Variants in USH2A observed in about 807,000 individuals in gnomAD.
USH2A encodes the protein Usher syndrome 2A (autosomal recessive, mild).
USH2A carries 443 observed loss-of-function variants against 538.9 expected under a neutral mutation model. That is an observed-to-expected ratio of 0.82 (90% confidence interval 0.76 to 0.89). USH2A has a LOEUF of 0.89. Ranked by LOEUF, USH2A falls within the 40% of genes least tolerant of loss-of-function variation. USH2A has a pLI of 0.00. For missense variants in USH2A, 6,633 were observed against 6,324.8 expected (o/e 1.05, Z -1.65); for synonymous variants, 2,413 against 2,273.5 (o/e 1.06, Z -1.75).
At chr1:215,778,877 C>A (rs1248814677) in intron 55 of USH2A, among the ~76,000 whole-genome samples, 1 of 152,168 alleles carries the variant, frequency 6.6e-6, no homozygotes, top group Non-Finnish European at 1.5e-5. Flanking sequence ...GGTAGTAATT[C>A]ACTGTACATC....
intron 52 of USH2A, 68 bp from the exon 53 acceptor site, chr1:215,783,003 G>T: frequency 6.8e-7 from 1 of 1,461,822 alleles, no homozygotes; most frequent in South Asian, 1.3e-5. Context: ...TATTAAAAGT[G>T]AATATCAAAA....
intron 14 of USH2A, among the ~76,000 whole-genome samples, chr1:216,231,278 T>C: frequency 8.2e-6 from 1 of 122,354 alleles, no homozygotes; most frequent in Admixed American, 9.8e-5. Flanking sequence ...ATATAATATA[T>C]ATACACAGAG....
Position 216,251,972 on chromosome 1 carries a change from A to G in USH2A, c.1972-874T>C, listed in dbSNP as rs539956219. Among the ~76,000 whole-genome samples, 77 of 152,278 alleles carry G rather than the reference A, an allele frequency of 5.1e-4. 1 individual carries two copies. In the South Asian group the frequency reaches 0.016, roughly 31 times the overall value. ...TCCCCTTTTAGGACTATTTCAGCCTATTTATGATTCATTTCACCACATTAA... is the reference window on the plus strand; with the variant it reads ...TCCCCTTTTAGGACTATTTCAGCCTGTTTATGATTCATTTCACCACATTAA... On this transcript the variant is annotated intron_variant, in intron 11 of 71. Transcript: ENST00000307340.
rs372464874 is a variant in USH2A, at chr1:215,877,799, A to G, written c.8640T>C (p.Tyr2880=). The change falls in exon 43 of 72, where the codon TAT becomes TAC. Residue 2880 remains tyrosine (Y), a synonymous_variant. Coordinates refer to ENST00000307340, the MANE Select transcript of USH2A (RefSeq NM_206933.4). ...CTTCATAAAGCCACTGAGTTCCTGA[A>G]TAAATATTGTGCCACCGATTTAAAT... ...PEDLNRWHNI[Y]SGTQWLYEDK... The G allele has an allele frequency of 1.7e-5, 27 of 1,613,828 alleles. No individual in the cohort carries two copies. Among genetic ancestry groups the G allele is most frequent in the Non-Finnish European group, 2.1e-5 (25 of 1,179,748 alleles).
chr1:215,946,044 G>A (rs554716067), intron 37 of USH2A, among the ~76,000 whole-genome samples: 2 of 152,258 alleles, frequency 1.3e-5, no homozygotes, highest in African/African-American at 4.8e-5. Flanking sequence ...ACTGCCAAGT[G>A]CCATTACATG....
At chr1:216,151,515 C>T (rs150272009) in intron 21 of USH2A, among the ~76,000 whole-genome samples, 2,958 of 152,248 alleles carry the variant, frequency 0.019, 89 homozygotes, top group African/African-American at 0.068. Flanking sequence ...TGATTGCTCT[C>T]GGTACTGGAA....
At chr1:216,187,511 TAATA>T (rs761893432) in intron 20 of USH2A, among the ~76,000 whole-genome samples, 9 of 151,952 alleles carry the variant, frequency 5.9e-5, no homozygotes, top group Admixed American at 2.0e-4. Flanking sequence ...CTTACAGAAA[TAATA>T]AATAATGCTT....
chr1:215,655,422 A>C (rs113833348), intron 64 of USH2A, among the ~76,000 whole-genome samples: 98 of 152,260 alleles, frequency 6.4e-4, no homozygotes, highest in African/African-American at 2.3e-3. Flanking sequence ...CTTGCCTCCT[A>C]ATTTTCACTT....
chr1:215,786,965 A>C (rs749412849), intron 51 of USH2A, 91 bp from the exon 52 acceptor site: 33 of 1,279,212 alleles, frequency 2.6e-5, no homozygotes, highest in Non-Finnish European at 3.1e-5. Flanking sequence ...TTTCAAATGA[A>C]ATTTTTCCTC....
chr1:216,053,082 C>A (rs1260811499), intron 30 of USH2A, among the ~76,000 whole-genome samples: 1 of 152,022 alleles, frequency 6.6e-6, no homozygotes, highest in East Asian at 1.9e-4. Context: ...AGGTTTCTAA[C>A]ATAAGAAAAT....
chr1:215,706,833 T>C (rs1659196497), intron 61 of USH2A, among the ~76,000 whole-genome samples: 1 of 152,236 alleles, frequency 6.6e-6, no homozygotes, highest in Non-Finnish European at 1.5e-5. Context: ...TCAAGCTTAT[T>C]AACTTGTAAA....
At chr1:215,733,122 C>T (rs1660053474) in intron 60 of USH2A, among the ~76,000 whole-genome samples, 1 of 139,562 alleles carries the variant, frequency 7.2e-6, no homozygotes, top group Admixed American at 8.0e-5. Context: ...ACTCAGGAAG[C>T]TTACAACTAT....
chr1:216,337,070 A>AC (rs1369144970), intron 4 of USH2A, among the ~76,000 whole-genome samples: 1 of 151,508 alleles, frequency 6.6e-6, no homozygotes, highest in Non-Finnish European at 1.5e-5. Flanking sequence ...AAATATTACA[A>AC]CAAAGAAATG....
rs1353950870 is a variant in USH2A, at chr1:215,813,743, A to G, written c.9732T>C (p.Ile3244=). 1 of 1,613,820 alleles carries G rather than the reference A, an allele frequency of 6.2e-7. No homozygotes were observed. The highest frequency in any genetic ancestry group is 8.5e-7 in the Non-Finnish European group (1 of 1,179,822). Residue 3244 remains isoleucine (I), a synonymous_variant, in exon 49 of 72, where the codon ATT becomes ATC. Transcript: ENST00000307340. ...CCTGGAAATAACCCTCACCTGGTAG[A>G]ATTCTAGCGTAATACCCAGAGCAGC... is the stretch of plus-strand genomic sequence containing the variant. ...HQCCSGYYAR[I]LPGEVCCPDE...
At position 216,110,826 on chromosome 1, in the gene USH2A, CAATA is replaced by C. The variant is rs1420046305; in HGVS notation, c.4628-13617_4628-13614del. Among the ~76,000 whole-genome samples, 4 of 152,264 alleles carry C rather than the reference CAATA, an allele frequency of 2.6e-5. No homozygotes were observed. In the East Asian group the frequency reaches 7.7e-4, roughly 29 times the overall value. On this transcript the variant is annotated intron_variant, in intron 21 of 71. Transcript: ENST00000307340. The stretch of plus-strand genomic sequence containing the variant: ...AGAAGTGAAGGGCATTACAGGGCAT[CAATA>C]AATAAATGTTCATAGAAAGGAAGAA...
At position 215,732,539 on chromosome 1, in the gene USH2A, T is replaced by A. The variant is rs546225473; in HGVS notation, c.11712-4155A>T. Among the ~76,000 whole-genome samples, 4 of 123,208 alleles carry A rather than the reference T, an allele frequency of 3.2e-5. No homozygotes were observed. In the East Asian group the frequency reaches 9.4e-4, roughly 29 times the overall value. The allele number at this position is 123,208 out of a possible 152,430, so 80.8% of individuals were successfully genotyped here. On this transcript the variant is annotated intron_variant, in intron 60 of 71. Coordinates refer to ENST00000307340, the MANE Select transcript of USH2A (RefSeq NM_206933.4). Reference sequence around the variant, plus strand: ...AATCCTCTTTCTTATTCTCCTTTTTTCTTTCTTTTTTTTTTTTTTTTTTTT... The same window carrying A: ...AATCCTCTTTCTTATTCTCCTTTTTACTTTCTTTTTTTTTTTTTTTTTTTT...
At chr1:215,744,624 G>T (rs1026955788) in intron 58 of USH2A, among the ~76,000 whole-genome samples, 1 of 152,160 alleles carries the variant, frequency 6.6e-6, no homozygotes. Context: ...GAGAGATGAG[G>T]TCTAAAGAAT....
intron 3 of USH2A, among the ~76,000 whole-genome samples, chr1:216,389,241 A>G (rs1452740151): frequency 6.6e-6 from 1 of 152,202 alleles, no homozygotes; most frequent in Non-Finnish European, 1.5e-5. Context: ...GAAATAAAAT[A>G]CTGTGAATAC....
intron 11 of USH2A, among the ~76,000 whole-genome samples, chr1:216,285,869 G>T (rs142832086): frequency 4.7e-4 from 72 of 152,340 alleles, no homozygotes; most frequent in African/African-American, 1.7e-3. Flanking sequence ...CTTGCATGGG[G>T]ACTGTAGGCC....
Sources: gnomAD v4.1 joint callset for allele counts (sites outside exome capture counted in the v4.1 genomes callset) on GRCh38, gnomAD v4.1.1 for gene constraint, MANE v1.5 for transcripts, NCBI Gene and HGNC (gene_info 2026-07-23, HGNC 2026-07-21) for gene names.